Variants in ADGRB1 observed in about 807,000 individuals in gnomAD.
ADGRB1 encodes adhesion G protein-coupled receptor B1, also known as brain-specific angiogenesis inhibitor 1.
In ADGRB1, 36 loss-of-function variants were observed where a neutral mutation model predicts 175.7. The ratio of observed to expected loss-of-function variants is 0.20; its 90% CI spans 0.16 to 0.27. The LOEUF (loss-of-function observed/expected upper bound fraction) is 0.27. ADGRB1 is among the 10% of genes least tolerant of loss of function. ADGRB1 has a pLI of 1.00. For synonymous variants in ADGRB1, 1,054 were observed against 979.4 expected (o/e 1.08, Z -1.42); for missense variants, 1,731 against 2,255.3 (o/e 0.77, Z 4.71).
rs776760404 is a variant in ADGRB1 at position 142,524,314 on chromosome 8, C to T, written c.3312+10C>T. On this transcript the variant is annotated intron_variant, in intron 23 of 30. Transcript: ENST00000517894. ...CGCTGCCGTTGTGCTGGTACTGACC[C>T]GCCCAGGCCCCACTCCCCACGACCC... is the stretch of plus-strand genomic sequence containing the variant. The T allele has an allele frequency of 2.8e-5, 45 of 1,586,596 alleles. No individual in the cohort carries two copies. The highest frequency in any genetic ancestry group is 2.9e-5 in the Non-Finnish European group (34 of 1,172,520).
chr8:142,500,411 G>A (rs1563716459), intron 17 of ADGRB1, among the ~76,000 whole-genome samples: 3 of 117,206 alleles, frequency 2.6e-5, no homozygotes, highest in East Asian at 5.1e-4. Flanking sequence ...CCCCTACACC[G>A]CTCCTCCACC....
At chr8:142,483,915 A>G in intron 11 of ADGRB1, 62 bp from the exon 12 acceptor site, 1 of 1,563,116 alleles carries the variant, frequency 6.4e-7, no homozygotes, top group South Asian at 1.1e-5. Flanking sequence ...GACCCTGGTC[A>G]CAGTGAACGG....
rs771812241 is a variant in ADGRB1, at chr8:142,542,379, C to T, written c.4145C>T (p.Thr1382Met). ...MPQTRLIHLS[T>M]APEASLPARS... ...CAGACCCGCCTCATCCACCTCAGCA[C>T]GGCCCCCGAGGCCAGCCTCCCCGCC... Residue 1382 changes from threonine to methionine, a missense_variant, in exon 28 of 31, where the codon ACG becomes ATG. Around this residue, in one of 8 missense-constraint regions of ADGRB1, gnomAD observed 394 missense variants for 410.2 expected, o/e 0.96. Transcript: ENST00000517894. The surrounding 1 kb of genome is among the most constrained non-coding windows in gnomAD (Gnocchi z 6.3). 7.7e-5 allele frequency: 121 copies of T among 1,573,562 alleles called. No individual in the cohort carries two copies. Among genetic ancestry groups the T allele is most frequent in the Middle Eastern group, 1.9e-4 (1 of 5,300 alleles).
In ADGRB1 at chr8:142,543,788, C is replaced by T; in HGVS notation, c.4557+80C>T. On this transcript the variant is annotated intron_variant, in intron 30 of 30. Transcript: ENST00000517894. The surrounding 1 kb of genome is among the most constrained non-coding windows in gnomAD (Gnocchi z 4.4). Reference sequence around the variant, plus strand: ...CTCCCTTCTTCCCTGGATTTGTGCACTTCATCCATCCATCCATCCATCCAT... The same window carrying T: ...CTCCCTTCTTCCCTGGATTTGTGCATTTCATCCATCCATCCATCCATCCAT... 7.8e-7 allele frequency: 1 copy of T among 1,281,254 alleles called. No homozygotes were observed. The highest frequency in any genetic ancestry group is 1.1e-6 in the Non-Finnish European group (1 of 904,502). 79.4% of individuals were successfully genotyped at this position (1,281,254 alleles called of 1,614,324 possible).
At chr8:142,475,324 C>A in intron 2 of ADGRB1, 150 bp from the exon 3 acceptor site, 2 of 793,952 alleles carry the variant, frequency 2.5e-6, no homozygotes, top group Non-Finnish European at 3.4e-6. Flanking sequence ...AGACACCAGA[C>A]CCCCAGGTCC....
chr8:142,512,870 C>T (rs1472838019), intron 18 of ADGRB1, among the ~76,000 whole-genome samples: 4 of 152,152 alleles, frequency 2.6e-5, no homozygotes, highest in South Asian at 2.1e-4. Context: ...GAAATTCCAG[C>T]AGCAGGGGCC....
chr8:142,494,937 C>T (rs536310293), intron 17 of ADGRB1, among the ~76,000 whole-genome samples: 1 of 152,160 alleles, frequency 6.6e-6, no homozygotes, highest in South Asian at 2.1e-4. Flanking sequence ...CTGCCCCTAC[C>T]GTAGCCCATC....
At chr8:142,514,052 A>G (rs1843264215) in intron 18 of ADGRB1, among the ~76,000 whole-genome samples, 1 of 151,802 alleles carries the variant, frequency 6.6e-6, no homozygotes, top group African/African-American at 2.4e-5. Flanking sequence ...GGAGGCGGCC[A>G]GAAGTGAGCC....
intron 22 of ADGRB1, among the ~76,000 whole-genome samples, chr8:142,524,001 C>T (rs150813664): frequency 9.0e-4 from 137 of 152,214 alleles, no homozygotes; most frequent in African/African-American, 3.2e-3. Flanking sequence ...GCAGGTGGGT[C>T]CCCCCCTCTG....
At chr8:142,462,424 G>C (rs1447749490) in intron 1 of ADGRB1, among the ~76,000 whole-genome samples, 1 of 152,224 alleles carries the variant, frequency 6.6e-6, no homozygotes, top group Non-Finnish European at 1.5e-5. Flanking sequence ...TTTGTGGTGA[G>C]AGATGTGTCC....
At chr8:142,525,147 C>T (rs531573849) in intron 23 of ADGRB1, among the ~76,000 whole-genome samples, 2 of 152,042 alleles carry the variant, frequency 1.3e-5, no homozygotes, top group Non-Finnish European at 2.9e-5. Flanking sequence ...GGAGCTAGCC[C>T]TGTAGGGGCA....
chr8:142,502,931 C>T (rs1041640375), intron 17 of ADGRB1, among the ~76,000 whole-genome samples: 1 of 150,604 alleles, frequency 6.6e-6, no homozygotes, highest in Non-Finnish European at 1.5e-5. Context: ...GTGATGAAGG[C>T]GGATGGTATT....
chr8:142,464,877 C>A lies in ADGRB1; in HGVS notation c.679C>A (p.Pro227Thr). The change falls in exon 2 of 31, where the codon CCC becomes ACC. Residue 227 changes from proline to threonine, a missense_variant. Coordinates refer to ENST00000517894, the MANE Select transcript of ADGRB1 (RefSeq NM_001702.3). Reference protein sequence around the residue: ...GGEAGGPAAGPLAPRGDVCLR... With the variant: ...GGEAGGPAAGTLAPRGDVCLR... Reference sequence around the variant, plus strand: ...CGAGGCGGGCGGCCCTGCCGCGGGACCCCTGGCCCCCCGCGGGGATGTCTG... The same window carrying A: ...CGAGGCGGGCGGCCCTGCCGCGGGAACCCTGGCCCCCCGCGGGGATGTCTG... 7.9e-6 allele frequency: 12 copies of A among 1,521,960 alleles called. No individual in the cohort carries two copies. Among genetic ancestry groups the A allele is most frequent in the Non-Finnish European group, 1.1e-5 (12 of 1,140,416 alleles). 94.3% of individuals were successfully genotyped at this position (1,521,960 alleles called of 1,614,324 possible). A position where few individuals can be genotyped will look rare whatever the true frequency, so the allele number is the denominator to read the frequency against.
intron 2 of ADGRB1, among the ~76,000 whole-genome samples, chr8:142,466,329 C>T (rs1249568346): frequency 6.6e-6 from 1 of 152,196 alleles, no homozygotes; most frequent in East Asian, 1.9e-4. Context: ...ATAGGCTACG[C>T]AGGGCTACAG....
At chr8:142,520,427 T>G (rs548454177) in intron 19 of ADGRB1, among the ~76,000 whole-genome samples, 2 of 39,834 alleles carry the variant, frequency 5.0e-5, no homozygotes, top group African/African-American at 8.9e-5. Flanking sequence ...GTGGTAATGA[T>G]TGTATGATGA....
intron 24 of ADGRB1, among the ~76,000 whole-genome samples, chr8:142,527,440 C>T (rs1458356746): frequency 6.6e-6 from 1 of 152,188 alleles, no homozygotes; most frequent in Non-Finnish European, 1.5e-5. Flanking sequence ...CCTGCTGTCC[C>T]CAGTGAACAG....
chr8:142,451,021 G>A (rs1839316370), intron 1 of ADGRB1, among the ~76,000 whole-genome samples: 1 of 152,148 alleles, frequency 6.6e-6, no homozygotes, highest in Non-Finnish European at 1.5e-5. Flanking sequence ...GGAGCCGCGC[G>A]GAGCTGCCTC....
chr8:142,495,364 G>C (rs1255123855), intron 17 of ADGRB1, among the ~76,000 whole-genome samples: 1 of 152,072 alleles, frequency 6.6e-6, no homozygotes. Context: ...TGGATGGATG[G>C]GTGACTGAGA....
In ADGRB1 at chr8:142,542,559, C is replaced by T. The variant is rs572517968; in HGVS notation, c.4325C>T (p.Pro1442Leu). The change falls in exon 28 of 31, where the codon CCC (proline) becomes CTC (leucine). Residue 1442 changes from proline to leucine, a missense_variant. By Grantham distance (98) the Pro-to-Leu change is moderately conservative. This residue lies in a region of ADGRB1 where 394 missense variants were observed against 410.2 expected (regional missense o/e 0.96). Transcript: ENST00000517894. The surrounding 1 kb of genome is among the most constrained non-coding windows in gnomAD (Gnocchi z 6.3). Reference protein sequence around the residue: ...LEPAPPSLGDPGEPAAHPGPS... With the variant: ...LEPAPPSLGDLGEPAAHPGPS... ...CCGGCACCCCCCAGCCTGGGGGATC[C>T]CGGGGAGCCTGCCGCCCATCCGGGA... 4 of 1,527,428 alleles carry T rather than the reference C, an allele frequency of 2.6e-6. 1 individual carries two copies. Among genetic ancestry groups the T allele is most frequent in the Non-Finnish European group, 3.5e-6 (4 of 1,137,706 alleles). The allele number at this position is 1,527,428 out of a possible 1,614,324, so 94.6% of individuals were successfully genotyped here.
Sources: allele counts gnomAD v4.1 joint callset (sites outside exome capture counted in the v4.1 genomes callset), GRCh38; gene constraint gnomAD v4.1.1; regional missense constraint gnomAD v4.1.1; non-coding constraint Gnocchi (gnomAD v3.1); transcripts MANE v1.5; gene names NCBI Gene and HGNC (gene_info 2026-07-23, HGNC 2026-07-21).